MSR1: variants seen among roughly 807,000 people sequenced by gnomAD.
MSR1 encodes macrophage scavenger receptor types I and II.
Under a neutral mutation model 47.2 loss-of-function variants are expected in MSR1, and 53 were observed. The observed-to-expected ratio is 1.12, with a 90% confidence interval of 0.90 to 1.41. The LOEUF (loss-of-function observed/expected upper bound fraction) is 1.41. Among genes scored for constraint, MSR1 ranks in the 40% most tolerant of loss-of-function variants. MSR1 has a pLI of 0.00. For missense variants in MSR1, 786 were observed against 546.9 expected (o/e 1.44, Z -4.36); for synonymous variants, 239 against 185.6 (o/e 1.29, Z -2.34).
intron 8 of MSR1, among the ~76,000 whole-genome samples, chr8:16,134,115 C>G (rs992594090): frequency 6.6e-6 from 1 of 152,122 alleles, no homozygotes; most frequent in Non-Finnish European, 1.5e-5. Context: ...GGACATTGTG[C>G]CTATAAACTT....
At chr8:16,188,303 G>C (rs1000797406) in intron 1 of MSR1, among the ~76,000 whole-genome samples, 3 of 151,680 alleles carry the variant, frequency 2.0e-5, no homozygotes, top group African/African-American at 7.3e-5. Context: ...AGATATGTTA[G>C]GATGAAATTT....
At chr8:16,173,139 C>T (rs73665250) in intron 3 of MSR1, among the ~76,000 whole-genome samples, 2 of 152,104 alleles carry the variant, frequency 1.3e-5, no homozygotes, top group Non-Finnish European at 2.9e-5. Flanking sequence ...CAATTTTAGT[C>T]GGTACCTACT....
At chr8:16,176,016 A>G (rs1041396219) in intron 2 of MSR1, among the ~76,000 whole-genome samples, 17 of 152,212 alleles carry the variant, frequency 1.1e-4, no homozygotes, top group Admixed American at 2.6e-4. Context: ...ATAAAGGGGA[A>G]ACAGTAGATG....
intron 8 of MSR1, among the ~76,000 whole-genome samples, chr8:16,135,645 G>C (rs1463123722): frequency 6.6e-6 from 1 of 152,106 alleles, no homozygotes; most frequent in East Asian, 1.9e-4. Context: ...AATACATCTT[G>C]TAAGGCTGTA....
rs151149948 is a variant in MSR1, at chr8:16,181,208, C to T, written c.-4-3216G>A. Among the ~76,000 whole-genome samples the T allele has an allele frequency of 1.1e-4, 17 of 152,192 alleles. No homozygotes were observed. The East Asian group carries it at 1.2e-3, about 10-fold the overall frequency. On this transcript the variant is annotated intron_variant, in intron 1 of 9. Coordinates refer to ENST00000262101, the MANE Select transcript of MSR1 (RefSeq NM_138715.3). ...TAATTCATAATCCTTTGGGAATATA[C>T]GCAGTAATGTGATTGCTGGGTCAAA...
At chr8:16,121,298 CTT>C (rs1800000946) in intron 8 of MSR1, 1 of 263,384 alleles carries the variant, frequency 3.8e-6, no homozygotes, top group Non-Finnish European at 7.5e-6. Flanking sequence ...AAGAAATAAA[CTT>C]TGTTTATAAT....
At chr8:16,115,119 C>A (rs975296146) in intron 9 of MSR1, among the ~76,000 whole-genome samples, 2 of 151,970 alleles carry the variant, frequency 1.3e-5, no homozygotes, top group African/African-American at 4.8e-5. Context: ...GCAGAGGTTG[C>A]GGTGAGCCGA....
chr8:16,178,685 C>T (rs1039003879), intron 1 of MSR1, among the ~76,000 whole-genome samples: 6 of 152,200 alleles, frequency 3.9e-5, no homozygotes, highest in African/African-American at 1.4e-4. Context: ...GCCACACTGA[C>T]TTCCACAAGG....
At chr8:16,168,389 C>T (rs1801377930) in intron 4 of MSR1, 69 bp downstream of exon 4, 1 of 1,551,298 alleles carries the variant, frequency 6.4e-7, no homozygotes, top group Non-Finnish European at 8.9e-7. Flanking sequence ...CTTTCCTGTA[C>T]TGCCTAAGGA....
intron 9 of MSR1, among the ~76,000 whole-genome samples, chr8:16,118,077 C>T (rs1464919544): frequency 6.6e-6 from 1 of 152,104 alleles, no homozygotes; most frequent in Non-Finnish European, 1.5e-5. Flanking sequence ...ATAATATAAG[C>T]ATCAAAATAA....
intron 7 of MSR1, among the ~76,000 whole-genome samples, chr8:16,146,027 G>A (rs895742538): frequency 1.3e-5 from 2 of 151,986 alleles, no homozygotes; most frequent in Non-Finnish European, 2.9e-5. Context: ...TGTAAGAGGG[G>A]GTGTCTTCAA....
intron 4 of MSR1, 56 bp from the exon 5 acceptor site, chr8:16,164,307 T>C (rs1801244366): frequency 3.3e-6 from 5 of 1,499,044 alleles, no homozygotes; most frequent in Non-Finnish European, 4.6e-6. Context: ...TTATCAAATA[T>C]GAAAGTTCAA....
chr8:16,162,120 A>T (rs962470550), intron 5 of MSR1, among the ~76,000 whole-genome samples: 4 of 152,080 alleles, frequency 2.6e-5, no homozygotes, highest in Admixed American at 6.6e-5. Context: ...TGGATAAATT[A>T]TCAATACAAA....
At chr8:16,136,751 C>T (rs550508873) in intron 8 of MSR1, among the ~76,000 whole-genome samples, 29 of 152,008 alleles carry the variant, frequency 1.9e-4, no homozygotes, top group Non-Finnish European at 3.8e-4. Flanking sequence ...TACAGGCATG[C>T]ACAACCACAC....
At chr8:16,111,193 G>C (rs930709217) in intron 9 of MSR1, among the ~76,000 whole-genome samples, 1 of 151,950 alleles carries the variant, frequency 6.6e-6, no homozygotes, top group Non-Finnish European at 1.5e-5. Context: ...AGCCTCAAAG[G>C]GCTACTTAAA....
At chr8:16,176,818 C>T (rs771822559) in intron 2 of MSR1, among the ~76,000 whole-genome samples, 11 of 152,150 alleles carry the variant, frequency 7.2e-5, no homozygotes, top group Admixed American at 2.6e-4. Context: ...ATGTGTCTCA[C>T]TTGTGCCATA....
At chr8:16,156,115 A>G (rs1162243919) in intron 5 of MSR1, among the ~76,000 whole-genome samples, 5 of 151,978 alleles carry the variant, frequency 3.3e-5, no homozygotes, top group African/African-American at 1.2e-4. Context: ...TATCTAAAGA[A>G]GAGCACTTAG....
intron 8 of MSR1, among the ~76,000 whole-genome samples, chr8:16,123,304 G>A (rs555323036): frequency 2.6e-4 from 39 of 152,232 alleles, no homozygotes; most frequent in African/African-American, 8.7e-4. Flanking sequence ...GTCTCAATAG[G>A]TCAGTAGACT....
intron 8 of MSR1, among the ~76,000 whole-genome samples, chr8:16,138,812 A>G (rs999682182): frequency 6.6e-6 from 1 of 152,184 alleles, no homozygotes; most frequent in African/African-American, 2.4e-5. Context: ...AGTCAGGAGT[A>G]TCTGAACAAG....
Sources: allele counts gnomAD v4.1 joint callset (sites outside exome capture counted in the v4.1 genomes callset), GRCh38; gene constraint gnomAD v4.1.1; transcripts MANE v1.5; gene names NCBI Gene and HGNC (gene_info 2026-07-23, HGNC 2026-07-21).